The following FBN1 variants were observed in gnomAD, a reference collection of about 807,000 sequenced individuals.
The protein encoded by FBN1 is fibrillin 1.
Under a neutral mutation model 365.1 loss-of-function variants are expected in FBN1, and 29 were observed. The ratio of observed to expected loss-of-function variants is 0.08; its 90% CI spans 0.06 to 0.11. The LOEUF (loss-of-function observed/expected upper bound fraction) is 0.11, where lower values mean the gene tolerates loss of function less well. FBN1 is among the 10% of genes least tolerant of loss of function. FBN1 has a pLI of 1.00. For synonymous variants in FBN1, 1,210 were observed against 1,270.5 expected, an observed-to-expected ratio of 0.95 and a Z score of 1.01; for missense variants, 2,476 against 3,703.2, an observed-to-expected ratio of 0.67 and a Z score of 8.60.
chr15:48,488,283 A>G lies in FBN1; in HGVS notation c.3209-42T>C, dbSNP rs749727100. The G allele has an allele frequency of 4.3e-6, 7 of 1,614,142 alleles. No homozygotes were observed. In the East Asian group the frequency reaches 1.6e-4, roughly 36 times the overall value. On this transcript the variant is annotated intron_variant, in intron 26 of 65. Transcript: ENST00000316623. The stretch of plus-strand genomic sequence containing the variant: ...AGTGGCAGCAAATGAGTCTCAGGAC[A>G]GCCTTAATTCTTGCGACAATATGTT...
chr15:48,602,599 AT>A (rs1305281279), intron 4 of FBN1, among the ~76,000 whole-genome samples: 1 of 152,158 alleles, frequency 6.6e-6, no homozygotes, highest in Non-Finnish European at 1.5e-5. Context: ...TATTAAAAAT[AT>A]TTTTATCTTT....
intron 6 of FBN1, among the ~76,000 whole-genome samples, chr15:48,595,314 T>G (rs764225785): frequency 6.6e-6 from 1 of 152,218 alleles, no homozygotes; most frequent in Non-Finnish European, 1.5e-5. Flanking sequence ...TTACTTTCCA[T>G]CTTAGAATAA....
At chr15:48,570,408 A>T (rs2044297387) in intron 6 of FBN1, among the ~76,000 whole-genome samples, 1 of 152,198 alleles carries the variant, frequency 6.6e-6, no homozygotes, top group Admixed American at 6.5e-5. Flanking sequence ...ATACACATAC[A>T]TAAATACACA....
chr15:48,638,398 T>C (rs1424939533), intron 2 of FBN1, among the ~76,000 whole-genome samples: 1 of 152,192 alleles, frequency 6.6e-6, no homozygotes, highest in Non-Finnish European at 1.5e-5. Context: ...ATTATAACTG[T>C]AAAGCAGTAA....
At chr15:48,622,438 A>G (rs1889787404) in intron 2 of FBN1, among the ~76,000 whole-genome samples, 1 of 152,166 alleles carries the variant, frequency 6.6e-6, no homozygotes, top group African/African-American at 2.4e-5. Flanking sequence ...AAGGGGAGTC[A>G]CTAGTTTTAT....
At chr15:48,582,300 CT>C (rs2044399954) in intron 6 of FBN1, among the ~76,000 whole-genome samples, 2 of 152,336 alleles carry the variant, frequency 1.3e-5, no homozygotes, top group East Asian at 3.9e-4. Flanking sequence ...GAAATAGTCT[CT>C]CCCGTGTGGA....
intron 8 of FBN1, among the ~76,000 whole-genome samples, chr15:48,532,660 T>A (rs920742334): frequency 1.3e-5 from 2 of 151,978 alleles, no homozygotes; most frequent in African/African-American, 4.8e-5. Flanking sequence ...TCAGACAGGG[T>A]ACTTAATACA....
At chr15:48,615,082 C>G (rs542145360) in intron 2 of FBN1, among the ~76,000 whole-genome samples, 63 of 152,190 alleles carry the variant, frequency 4.1e-4, no homozygotes, top group Non-Finnish European at 7.8e-4. Context: ...AACGCACAAA[C>G]CTTCCAAACT....
intron 6 of FBN1, among the ~76,000 whole-genome samples, chr15:48,587,008 C>T (rs1000992991): frequency 6.6e-6 from 1 of 152,142 alleles, no homozygotes; most frequent in Admixed American, 6.5e-5. Context: ...CTCCCAAGAG[C>T]TAACAAACCC....
intron 9 of FBN1, among the ~76,000 whole-genome samples, chr15:48,522,547 T>C (rs2043868205): frequency 6.6e-6 from 1 of 152,126 alleles, no homozygotes; most frequent in Non-Finnish European, 1.5e-5. Context: ...CAAAAATCCA[T>C]CCCTGGGTTT....
intron 62 of FBN1, 79 bp from the exon 63 acceptor site, chr15:48,420,885 G>A: frequency 6.6e-7 from 1 of 1,523,924 alleles, no homozygotes; most frequent in Non-Finnish European, 9.0e-7. Flanking sequence ...AAGAAATCTG[G>A]CCCCTACACA....
intron 2 of FBN1, among the ~76,000 whole-genome samples, chr15:48,618,133 A>G (rs1487220013): frequency 6.6e-6 from 1 of 152,160 alleles, no homozygotes; most frequent in African/African-American, 2.4e-5. Flanking sequence ...GGAGGGGATC[A>G]AAAGGTACAT....
chr15:48,561,900 AG>A (rs1765120436), intron 6 of FBN1, among the ~76,000 whole-genome samples: 1 of 148,952 alleles, frequency 6.7e-6, no homozygotes, highest in South Asian at 2.1e-4. Context: ...TGGGGTCTTA[AG>A]GCTTATTGGT....
chr15:48,508,845 GATC>G (rs1432602320), intron 14 of FBN1, 141 bp from the exon 15 acceptor site: 6 of 999,496 alleles, frequency 6.0e-6, no homozygotes, highest in Non-Finnish European at 8.8e-6. Flanking sequence ...ATCCAAATAA[GATC>G]ATCTAAGGAA....
At chr15:48,418,905 C>T (rs1044650862) in intron 63 of FBN1, among the ~76,000 whole-genome samples, 1 of 152,154 alleles carries the variant, frequency 6.6e-6, no homozygotes, top group African/African-American at 2.4e-5. Flanking sequence ...TTCTTTTACT[C>T]ATTTTCTCTA....
At chr15:48,460,851 T>A (rs1404254666) in intron 42 of FBN1, among the ~76,000 whole-genome samples, 2 of 152,202 alleles carry the variant, frequency 1.3e-5, no homozygotes, top group African/African-American at 4.8e-5. Flanking sequence ...AGCTCTGTCA[T>A]ATTCTCTCCC....
At chr15:48,586,672 G>A (rs555430905) in intron 6 of FBN1, among the ~76,000 whole-genome samples, 1 of 152,106 alleles carries the variant, frequency 6.6e-6, no homozygotes, top group Non-Finnish European at 1.5e-5. Flanking sequence ...TAAATTTATG[G>A]TCAAATGAAT....
At chr15:48,443,111 C>T (rs1244893573) in intron 49 of FBN1, among the ~76,000 whole-genome samples, 1 of 152,136 alleles carries the variant, frequency 6.6e-6, no homozygotes, top group Non-Finnish European at 1.5e-5. Context: ...CTGTGCAACG[C>T]AAAATCAGCT....
chr15:48,533,718 A>G (rs2043990880), intron 8 of FBN1, among the ~76,000 whole-genome samples: 1 of 152,208 alleles, frequency 6.6e-6, no homozygotes, highest in Admixed American at 6.5e-5. Flanking sequence ...TTCGGAAGAT[A>G]TATTATTCTG....
Sources: allele counts gnomAD v4.1 joint callset (sites outside exome capture counted in the v4.1 genomes callset), GRCh38; gene constraint gnomAD v4.1.1; transcripts MANE v1.5; gene names NCBI Gene and HGNC (gene_info 2026-07-23, HGNC 2026-07-21).